The following SPINDOC variants were observed in gnomAD, a reference collection of about 807,000 sequenced individuals.
SPINDOC encodes spindlin interactor and repressor of chromatin-binding protein.
In SPINDOC, 13 loss-of-function variants were observed where a neutral mutation model predicts 30.7. The observed-to-expected ratio is 0.42, with a 90% CI of 0.28 to 0.67. SPINDOC has a LOEUF of 0.67. SPINDOC is among the 30% of genes least tolerant of loss of function. The pLI, the probability that SPINDOC is intolerant of heterozygous loss-of-function variation, is 0.22. For synonymous variants in SPINDOC, 228 were observed against 211.4 expected (o/e 1.08, Z -0.68); for missense variants, 438 against 518.0 (o/e 0.85, Z 1.50).
Position 63,813,680 on chromosome 11 carries a change from C to T in SPINDOC, c.-7C>T. The T allele has an allele frequency of 1.3e-6, 2 of 1,555,762 alleles. No individual in the cohort carries two copies. Among genetic ancestry groups the T allele is most frequent in the East Asian group, 2.5e-5 (1 of 39,908 alleles). On this transcript the variant is annotated 5_prime_UTR_variant, in exon 1 of 6. Transcript: ENST00000294244. ...CTCCGGCCACTGCTATCGCCCACGG[C>T]CGCACCATGGCCCTAAAGGCCGAGG...
At chr11:63,819,321 C>T (rs923523980) in intron 5 of SPINDOC, among the ~76,000 whole-genome samples, 25 of 152,230 alleles carry the variant, frequency 1.6e-4, no homozygotes, top group African/African-American at 6.0e-4. Context: ...AGCAATTCTC[C>T]TGCCTCACCC....
At chr11:63,813,837 T>A in intron 1 of SPINDOC, 24 bp downstream of exon 1, 1 of 1,499,656 alleles carries the variant, frequency 6.7e-7, no homozygotes, top group South Asian at 1.3e-5. Flanking sequence ...GGATTCCACT[T>A]CCGCGTCACG....
At chr11:63,824,425 G>A (rs2015602825) in intron 5 of SPINDOC, among the ~76,000 whole-genome samples, 1 of 152,128 alleles carries the variant, frequency 6.6e-6, no homozygotes, top group Non-Finnish European at 1.5e-5. Context: ...AGAATGTAAG[G>A]GCCTGCAGGT....
chr11:63,819,630 G>A (rs1445735180), intron 5 of SPINDOC, among the ~76,000 whole-genome samples: 3 of 151,536 alleles, frequency 2.0e-5, no homozygotes, highest in African/African-American at 4.9e-5. Flanking sequence ...CTGAGTAGCT[G>A]GGATTACAGG....
rs564663580 is a variant in SPINDOC, at chr11:63,824,607, A to G, written c.935-2321A>G. 3.0e-3 allele frequency among the ~76,000 whole-genome samples: 354 copies of G among 116,332 alleles called. 2 individuals carry two copies. The highest frequency in any genetic ancestry group is 8.5e-3 in the African/African-American group (337 of 39,798). The allele number at this position is 116,332 out of a possible 152,430, so 76.3% of individuals were successfully genotyped here. A position where few individuals can be genotyped will look rare whatever the true frequency, so the allele number is the denominator to read the frequency against. On this transcript the variant is annotated intron_variant, in intron 5 of 5. Transcript: ENST00000294244. The stretch of plus-strand genomic sequence containing the variant: ...ATCTCATCCAGGTTCACAGCTTTCA[A>G]TGACATGTGTGTGCTCATAATGCCC...
rs757325870 is a variant in SPINDOC, at chr11:63,818,787, C to G, written c.734-15C>G. On this transcript the variant is annotated splice_polypyrimidine_tract_variant and intron_variant, in intron 4 of 5. Transcript: ENST00000294244. This position sits in a 1 kb window ranked among gnomAD's most constrained non-coding sequence, Gnocchi z 5.3. ...GGCTTTTTCACTCACAGTTCCATCC[C>G]GTCCTCCCTTCCAGAGCCCCCATCG... The G allele has an allele frequency of 3.1e-6, 5 of 1,613,388 alleles. No individual in the cohort carries two copies. Among genetic ancestry groups the G allele is most frequent in the Non-Finnish European group, 4.2e-6 (5 of 1,179,978 alleles).
intron 5 of SPINDOC, among the ~76,000 whole-genome samples, chr11:63,825,423 C>T (rs977884669): frequency 3.3e-5 from 5 of 152,192 alleles, no homozygotes; most frequent in Non-Finnish European, 5.9e-5. Flanking sequence ...CAGCTTTCTG[C>T]TATCCTATTA....
At chr11:63,814,445 C>T (rs894029242) in intron 1 of SPINDOC, among the ~76,000 whole-genome samples, 2 of 152,150 alleles carry the variant, frequency 1.3e-5, no homozygotes, top group African/African-American at 2.4e-5. Context: ...AGTGCTAGAA[C>T]GAGATTAGCT....
chr11:63,827,043 G>A lies in SPINDOC; in HGVS notation c.1050G>A (p.Lys350=). The A allele has an allele frequency of 6.2e-7, 1 of 1,614,218 alleles. No homozygotes were observed. The highest frequency in any genetic ancestry group is 1.1e-5 in the South Asian group (1 of 91,078). ...QDWSRHPQGT[K]RVGAGDTSDW... is the part of the protein sequence containing the mutation. ...GGTCCAGGCACCCCCAGGGCACCAAGCGTGTGGGAGCAGGTGACACCTCAG... is the reference window on the plus strand; with the variant it reads ...GGTCCAGGCACCCCCAGGGCACCAAACGTGTGGGAGCAGGTGACACCTCAG... Residue 350 remains lysine, a synonymous_variant, in exon 6 of 6, where the codon AAG becomes AAA. Transcript: ENST00000294244.
At chr11:63,819,502 T>G (rs540910714) in intron 5 of SPINDOC, among the ~76,000 whole-genome samples, 1 of 150,936 alleles carries the variant, frequency 6.6e-6, no homozygotes. Flanking sequence ...ATTTTTTTAT[T>G]TTTTATTTTT....
intron 1 of SPINDOC, among the ~76,000 whole-genome samples, chr11:63,814,696 G>A (rs2135131389): frequency 6.6e-6 from 1 of 152,328 alleles, no homozygotes. Flanking sequence ...CGAACAGAAT[G>A]ATGTCTGCCT....
intron 5 of SPINDOC, among the ~76,000 whole-genome samples, chr11:63,826,099 T>C (rs2015649310): frequency 6.6e-6 from 1 of 152,060 alleles, no homozygotes; most frequent in African/African-American, 2.4e-5. Context: ...CCACTATGCC[T>C]GCCTAATTTC....
At chr11:63,824,263 C>T (rs1343925502) in intron 5 of SPINDOC, among the ~76,000 whole-genome samples, 1 of 152,156 alleles carries the variant, frequency 6.6e-6, no homozygotes, top group Non-Finnish European at 1.5e-5. Context: ...TCACTCCTTC[C>T]TGGAGACAAC....
rs1294515844 is a variant in SPINDOC at position 63,818,186 on chromosome 11, A to G, written c.458-30A>G. On this transcript the variant is annotated intron_variant, in intron 2 of 5. Transcript: ENST00000294244. The surrounding 1 kb of genome is among the most constrained non-coding windows in gnomAD (Gnocchi z 5.3). ...GAGAAGTCGGACTTGTTGGGGCACT[A>G]GAAGCTCATTGTGCTCTTGCTCCCT... 6.2e-7 allele frequency: 1 copy of G among 1,613,412 alleles called. No individual in the cohort carries two copies. The highest frequency in any genetic ancestry group is 8.5e-7 in the Non-Finnish European group (1 of 1,179,554).
In SPINDOC at chr11:63,818,981, C is replaced by A; in HGVS notation, c.913C>A (p.Arg305=). Residue 305 remains arginine (R), a synonymous_variant, in exon 5 of 6, where the codon CGG becomes AGG. Transcript: ENST00000294244. The surrounding 1 kb of genome is among the most constrained non-coding windows in gnomAD (Gnocchi z 5.3). The part of the protein sequence containing the change: ...DREVAEGGLP[R]AESPSPAPPP... ...GGAAGTGGCAGAAGGAGGCCTTCCC[C>A]GGGCGGAGAGCCCCTCTCCAGGTGA... 6.2e-7 allele frequency: 1 copy of A among 1,613,806 alleles called. No homozygotes were observed.
chr11:63,826,801 G>A (rs2015664254), intron 5 of SPINDOC, 127 bp from the exon 6 acceptor site: 1 of 628,458 alleles, frequency 1.6e-6, no homozygotes, highest in Non-Finnish European at 2.9e-6. Flanking sequence ...CCTCATGCCA[G>A]GCACTGGGCT....
chr11:63,815,789 C>T lies in SPINDOC; in HGVS notation c.127+1976C>T, dbSNP rs560860519. ...ATGGATTTTTTTTTTTTTTTTGAGA[C>T]GGAGTTTTGCTCTTTTTGCCCAAGC... On this transcript the variant is annotated intron_variant, in intron 1 of 5. Transcript: ENST00000294244. Among the ~76,000 whole-genome samples the T allele has an allele frequency of 1.2e-4, 18 of 146,672 alleles. No homozygotes were observed. The East Asian group carries it at 3.0e-3, about 24-fold the overall frequency.
rs968708348 is a variant in SPINDOC at position 63,813,586 on chromosome 11, G to C, written c.-101G>C. On this transcript the variant is annotated 5_prime_UTR_variant, in exon 1 of 6. Transcript: ENST00000294244. ...GGGGGCTGCGCGGGGCGGGCGGCGG[G>C]CCCGGCGCTATTCCGGCCAGGAGGC... 1.5e-4 allele frequency: 167 copies of C among 1,091,430 alleles called. No individual in the cohort carries two copies. Among genetic ancestry groups the C allele is most frequent in the Non-Finnish European group, 1.8e-4 (161 of 876,806 alleles). The allele number at this position is 1,091,430 out of a possible 1,614,324, so 67.6% of individuals were successfully genotyped here. A position where few individuals can be genotyped will look rare whatever the true frequency, so the allele number is the denominator to read the frequency against.
At position 63,827,337 on chromosome 11, in the gene SPINDOC, G is replaced by A; in HGVS notation, c.*198G>A. The A allele has an allele frequency of 6.1e-6, 6 of 986,526 alleles. No individual in the cohort carries two copies. The highest frequency in any genetic ancestry group is 8.8e-6 in the Non-Finnish European group (6 of 683,140). 61.1% of individuals were successfully genotyped at this position (986,526 alleles called of 1,614,324 possible). A position where few individuals can be genotyped will look rare whatever the true frequency, so the allele number is the denominator to read the frequency against. ...CTGGCCAGGCCTGAGGTCGGCGAGG[G>A]TGGCTGAGGCTGTTGTGCAGTAGGG... On this transcript the variant is annotated 3_prime_UTR_variant, in exon 6 of 6. Transcript: ENST00000294244.
Sources: allele counts gnomAD v4.1 joint callset (sites outside exome capture counted in the v4.1 genomes callset), GRCh38; gene constraint gnomAD v4.1.1; non-coding constraint Gnocchi (gnomAD v3.1); transcripts MANE v1.5; gene names NCBI Gene and HGNC (gene_info 2026-07-23, HGNC 2026-07-21).